SPHKAP: variants seen among roughly 807,000 people sequenced by gnomAD.
SPHKAP encodes SPHK1 interactor, AKAP domain containing, also known as A-kinase anchor protein SPHKAP.
In SPHKAP, 67 loss-of-function variants were observed where a neutral mutation model predicts 137.5. The ratio of observed to expected loss-of-function variants is 0.49; its 90% CI spans 0.40 to 0.60. The LOEUF is 0.60. Ranked by LOEUF, SPHKAP falls within the 20% of genes least tolerant of loss-of-function variation. The probability of loss-of-function intolerance (pLI) is 0.00; values close to 1 mark genes in which losing one functional copy is unlikely to be tolerated. For missense variants in SPHKAP, 2,097 were observed against 2,069.3 expected (o/e 1.01, Z -0.26); for synonymous variants, 813 against 785.3 (o/e 1.04, Z -0.59).
At chr2:227,998,918 G>A (rs556421998) in intron 7 of SPHKAP, among the ~76,000 whole-genome samples, 168 of 152,204 alleles carry the variant, frequency 1.1e-3, no homozygotes, top group African/African-American at 3.5e-3. Context: ...TCTGTTCCCA[G>A]GGAATACAAC....
chr2:228,181,572 T>A lies in SPHKAP; in HGVS notation c.27A>T (p.Val9=). The change falls in exon 1 of 12, where the codon GTA becomes GTT. Residue 9 remains valine, a synonymous_variant. Coordinates refer to ENST00000392056, the MANE Select transcript of SPHKAP (RefSeq NM_001142644.2). This position sits in a 1 kb window ranked among gnomAD's most constrained non-coding sequence, Gnocchi z 4.3. ...TAGAAAGAAGCGGGTCTTACCTTGG[T>A]ACCGAGAGCAGGGAGTTGCCATCCA... MDGNSLLS[V]PSNLESSRMY... 6.2e-7 allele frequency: 1 copy of A among 1,614,084 alleles called. No individual in the cohort carries two copies. Among genetic ancestry groups the A allele is most frequent in the East Asian group, 2.2e-5 (1 of 44,856 alleles).
rs1254612572 is a variant in SPHKAP, at chr2:227,991,184, G to C, written c.4775C>G (p.Ala1592Gly). 2.5e-6 allele frequency: 4 copies of C among 1,614,066 alleles called. No homozygotes were observed. Among genetic ancestry groups the C allele is most frequent in the Non-Finnish European group, 3.4e-6 (4 of 1,179,994 alleles). The change falls in exon 11 of 12, where the codon GCA becomes GGA. Residue 1592 changes from alanine to glycine, a missense_variant and splice_region_variant. Ala to Gly is a moderately conservative substitution (Grantham distance 60). Transcript: ENST00000392056. ...TCCCGTAGGCGGTCCAGATGCAGGT[G>C]CTGAGAACAGACACAACCACAGCCT... Reference protein sequence around the residue: ...ILKGQSESTEAPASGPPTGTA... With the variant: ...ILKGQSESTEGPASGPPTGTA...
chr2:228,092,071 CTATATATGTA>C (rs1184294063), intron 3 of SPHKAP, among the ~76,000 whole-genome samples: 5 of 146,692 alleles, frequency 3.4e-5, no homozygotes, highest in African/African-American at 1.2e-4. Context: ...ATATATATGT[CTATATATGTA>C]TATATATGTG....
At chr2:228,104,923 AAC>A (rs1184892504) in intron 3 of SPHKAP, among the ~76,000 whole-genome samples, 3 of 152,230 alleles carry the variant, frequency 2.0e-5, no homozygotes, top group African/African-American at 7.2e-5. Context: ...AACATAAAAA[AAC>A]AGTGGAAGAT....
chr2:228,069,612 T>C lies in SPHKAP; in HGVS notation c.246+39220A>G, dbSNP rs570730711. On this transcript the variant is annotated intron_variant, in intron 3 of 11. Transcript: ENST00000392056. ...TTTATTTAAAAGAAGTTTTTTTTTT[T>C]CTAAGAAAAACATTTAATTACTAGA... is the stretch of plus-strand genomic sequence containing the variant. Among the ~76,000 whole-genome samples the C allele has an allele frequency of 6.5e-4, 99 of 151,616 alleles. 1 individual carries two copies. The highest frequency in any genetic ancestry group is 1.5e-3 in the Admixed American group (23 of 15,238).
At chr2:228,157,466 T>C (rs1166919791) in intron 1 of SPHKAP, among the ~76,000 whole-genome samples, 1 of 152,220 alleles carries the variant, frequency 6.6e-6, no homozygotes, top group South Asian at 2.1e-4. Flanking sequence ...ATTTGAATAT[T>C]CCAAGGTTTT....
chr2:228,127,716 C>A (rs1331794208), intron 2 of SPHKAP, among the ~76,000 whole-genome samples: 1 of 152,044 alleles, frequency 6.6e-6, no homozygotes, highest in Non-Finnish European at 1.5e-5. Context: ...TGGCTTGTAG[C>A]TTTTAATGAA....
intron 3 of SPHKAP, among the ~76,000 whole-genome samples, chr2:228,042,848 G>A (rs941993221): frequency 3.9e-5 from 6 of 151,960 alleles, no homozygotes; most frequent in Non-Finnish European, 8.8e-5. Flanking sequence ...TGTTTTTCAG[G>A]GCTATGGAAC....
chr2:227,983,641 G>A (rs1693092911), intron 11 of SPHKAP, among the ~76,000 whole-genome samples: 1 of 152,136 alleles, frequency 6.6e-6, no homozygotes, highest in Non-Finnish European at 1.5e-5. Context: ...TTTGGAATGT[G>A]GATAAACATT....
At chr2:228,073,670 A>G (rs1574824964) in intron 3 of SPHKAP, among the ~76,000 whole-genome samples, 1 of 152,238 alleles carries the variant, frequency 6.6e-6, no homozygotes, top group East Asian at 1.9e-4. Flanking sequence ...AAATCAACAC[A>G]TCAATAATCA....
chr2:228,105,847 C>A (rs1005167079), intron 3 of SPHKAP, among the ~76,000 whole-genome samples: 5 of 152,138 alleles, frequency 3.3e-5, no homozygotes, highest in African/African-American at 1.2e-4. Flanking sequence ...ACTGTGAGTT[C>A]ATTAAACCTC....
At chr2:228,162,950 C>T (rs185805702) in intron 1 of SPHKAP, among the ~76,000 whole-genome samples, 154 of 152,250 alleles carry the variant, frequency 1.0e-3, no homozygotes, top group African/African-American at 3.5e-3. Context: ...CCATCCAGCT[C>T]GGCCTCCCAA....
At chr2:228,108,298 C>A (rs1698405645) in intron 3 of SPHKAP, among the ~76,000 whole-genome samples, 1 of 152,078 alleles carries the variant, frequency 6.6e-6, no homozygotes, top group Non-Finnish European at 1.5e-5. Flanking sequence ...TATTGTTTTT[C>A]TGGAAGAATA....
chr2:228,125,204 A>G (rs541705724), intron 2 of SPHKAP, among the ~76,000 whole-genome samples: 1 of 152,314 alleles, frequency 6.6e-6, no homozygotes, highest in Non-Finnish European at 1.5e-5. Context: ...GTTTCACTAT[A>G]TCCTAAATAG....
chr2:228,015,412 T>C (rs1174049250), intron 7 of SPHKAP, among the ~76,000 whole-genome samples: 1 of 152,088 alleles, frequency 6.6e-6, no homozygotes, highest in Non-Finnish European at 1.5e-5. Flanking sequence ...AGCAGCATGA[T>C]TTATAGTCCT....
chr2:228,081,587 G>A (rs1044414363), intron 3 of SPHKAP, among the ~76,000 whole-genome samples: 1 of 152,134 alleles, frequency 6.6e-6, no homozygotes, highest in African/African-American at 2.4e-5. Flanking sequence ...AATGTGGTAT[G>A]TATACTTAAT....
At chr2:228,035,630 T>G (rs549221946) in intron 3 of SPHKAP, among the ~76,000 whole-genome samples, 1 of 152,266 alleles carries the variant, frequency 6.6e-6, no homozygotes, top group East Asian at 1.9e-4. Flanking sequence ...GACTTCAAAC[T>G]TTACTACAAG....
intron 1 of SPHKAP, among the ~76,000 whole-genome samples, chr2:228,161,101 G>A (rs1454384839): frequency 1.3e-5 from 2 of 152,198 alleles, no homozygotes; most frequent in Non-Finnish European, 2.9e-5. Flanking sequence ...GAACTGTGAG[G>A]CACTGATACT....
chr2:228,054,493 TA>T (rs1190894366), intron 3 of SPHKAP, among the ~76,000 whole-genome samples: 2 of 152,174 alleles, frequency 1.3e-5, no homozygotes, highest in Non-Finnish European at 2.9e-5. Context: ...ATAAATCACT[TA>T]ATTACAGACT....
Sources: allele counts gnomAD v4.1 joint callset (sites outside exome capture counted in the v4.1 genomes callset), GRCh38; gene constraint gnomAD v4.1.1; non-coding constraint Gnocchi (gnomAD v3.1); transcripts MANE v1.5; gene names NCBI Gene and HGNC (gene_info 2026-07-23, HGNC 2026-07-21).